TMEM45A: variants seen among roughly 807,000 people sequenced by gnomAD.
TMEM45A encodes the protein DNA polymerase-transactivated protein 4.
Under a neutral mutation model 32.0 loss-of-function variants are expected in TMEM45A, and 25 were observed. The ratio of observed to expected loss-of-function variants is 0.78; its 90% CI spans 0.57 to 1.09. The LOEUF (loss-of-function observed/expected upper bound fraction) is 1.09, where lower values mean the gene tolerates loss of function less well. Among genes scored for constraint, TMEM45A ranks in the 50% least tolerant of loss-of-function variants. The pLI, the probability that TMEM45A is intolerant of heterozygous loss-of-function variation, is 0.00. For missense variants in TMEM45A, 302 were observed against 325.0 expected, an observed-to-expected ratio of 0.93 and a Z score of 0.54; for synonymous variants, 122 against 114.8, an observed-to-expected ratio of 1.06 and a Z score of -0.40.
At chr3:100,566,235 T>C (rs552569855) in intron 4 of TMEM45A, among the ~76,000 whole-genome samples, 26 of 152,334 alleles carry the variant, frequency 1.7e-4, no homozygotes, top group African/African-American at 6.0e-4. Flanking sequence ...AACACTCATG[T>C]ACAAGTTTTG....
intron 1 of TMEM45A, among the ~76,000 whole-genome samples, chr3:100,545,686 A>G (rs1439569758): frequency 2.0e-5 from 3 of 152,194 alleles, no homozygotes; most frequent in Non-Finnish European, 4.4e-5. Flanking sequence ...GCACACGTAT[A>G]GCATTTTATT....
Position 100,555,404 on chromosome 3 carries a change from G to A in TMEM45A, c.190+3G>A, listed in dbSNP as rs1706198944. 2 of 1,611,850 alleles carry A rather than the reference G, an allele frequency of 1.2e-6. No individual in the cohort carries two copies. The highest frequency in any genetic ancestry group is 2.7e-5 in the African/African-American group (2 of 74,838). ...AATAGTTGGCATGGCTTTAACTGGTGAGTGGACCATTCTGTGTTCTATTTT... is the reference window on the plus strand; with the variant it reads ...AATAGTTGGCATGGCTTTAACTGGTAAGTGGACCATTCTGTGTTCTATTTT... On this transcript the variant is annotated splice_donor_region_variant and intron_variant, in intron 2 of 5. Transcript: ENST00000323523.
intron 1 of TMEM45A, among the ~76,000 whole-genome samples, chr3:100,522,441 C>A (rs1261017017): frequency 6.6e-6 from 1 of 152,202 alleles, no homozygotes; most frequent in Non-Finnish European, 1.5e-5. Flanking sequence ...GAAACATCCA[C>A]GCAAATAGAC....
chr3:100,535,600 A>G (rs1050689768), intron 1 of TMEM45A, among the ~76,000 whole-genome samples: 18 of 152,204 alleles, frequency 1.2e-4, no homozygotes, highest in Admixed American at 9.2e-4. Context: ...CAGCTCTTTC[A>G]AAAAGGGGAG....
At chr3:100,522,617 G>A (rs1022736045) in intron 1 of TMEM45A, among the ~76,000 whole-genome samples, 1 of 152,138 alleles carries the variant, frequency 6.6e-6, no homozygotes, top group Non-Finnish European at 1.5e-5. Context: ...ATTTATGTAG[G>A]TGGGAGGGCT....
Position 100,558,434 on chromosome 3 carries a change from CG to C in TMEM45A, c.436del (p.Glu146LysfsTer17), listed in dbSNP as rs748905671. 1 of 1,613,754 alleles carries C rather than the reference CG, an allele frequency of 6.2e-7. No homozygotes were observed. Among genetic ancestry groups the C allele is most frequent in the South Asian group, 1.1e-5 (1 of 91,062 alleles). ...TATCTTCTACAACCACACTCATGGCCGGGAAATGCTGGACATCTTTGTGCAC... is the reference window on the plus strand; with the variant it reads ...TATCTTCTACAACCACACTCATGGCCGGAAATGCTGGACATCTTTGTGCAC... ...AFIFYNHTHGREMLDIFVHQL... is the reference protein window; with the variant it reads ...AFIFYNHTHGXEMLDIFVHQL... On this transcript the variant is annotated frameshift_variant, in exon 4 of 6. Coordinates refer to ENST00000323523, the MANE Select transcript of TMEM45A (RefSeq NM_018004.3). LOFTEE classifies it high-confidence loss of function.
At chr3:100,568,580 A>G (rs1409576131) in intron 4 of TMEM45A, among the ~76,000 whole-genome samples, 1 of 152,236 alleles carries the variant, frequency 6.6e-6, no homozygotes, top group African/African-American at 2.4e-5. Flanking sequence ...TCCTAGCAAG[A>G]TGACTGTTTA....
intron 1 of TMEM45A, among the ~76,000 whole-genome samples, chr3:100,537,315 A>G (rs1314937833): frequency 6.6e-6 from 1 of 151,882 alleles, no homozygotes. Flanking sequence ...CAGGGAGCTG[A>G]GGGGTGGGGA....
chr3:100,569,043 A>C (rs1706502505), intron 5 of TMEM45A, 76 bp downstream of exon 5: 1 of 1,446,166 alleles, frequency 6.9e-7, no homozygotes, highest in Non-Finnish European at 9.5e-7. Flanking sequence ...TATTGAATTT[A>C]AAATTCAAAA....
In TMEM45A at chr3:100,523,689, C is replaced by T. The variant is rs1705481762; in HGVS notation, c.-4+30761C>T. ...CTTCCTCCTCCCCCTCCTTTCTCCT[C>T]CTTCTCCTTCTCCTCCTCCTCCTTT... On this transcript the variant is annotated intron_variant, in intron 1 of 5. Coordinates refer to ENST00000323523, the MANE Select transcript of TMEM45A (RefSeq NM_018004.3). Among the ~76,000 whole-genome samples, 5 of 70,044 alleles carry T rather than the reference C, an allele frequency of 7.1e-5. No homozygotes were observed. The South Asian group carries it at 2.6e-3, about 36-fold the overall frequency. The allele number at this position is 70,044 out of a possible 152,430, so 46.0% of individuals were successfully genotyped here.
intron 5 of TMEM45A, 96 bp from the exon 6 acceptor site, chr3:100,576,829 C>T: frequency 1.0e-6 from 1 of 979,980 alleles, no homozygotes; most frequent in Non-Finnish European, 1.6e-6. Context: ...CCCCAGTTGC[C>T]CAAATAATCT....
chr3:100,532,534 A>G (rs936248136), intron 1 of TMEM45A, among the ~76,000 whole-genome samples: 1 of 152,192 alleles, frequency 6.6e-6, no homozygotes. Context: ...TAAACAACCA[A>G]CTGCTTTGTC....
Position 100,492,755 on chromosome 3 carries a change from T to TCCCCCCCCCCCCCCCCCCCCCCC in TMEM45A, c.-175_-174insCCCCCCCCCCCCCCCCCCCCCCC, listed in dbSNP as rs755848570. The TCCCCCCCCCCCCCCCCCCCCCCC allele has an allele frequency of 2.1e-5, 3 of 143,524 alleles. No homozygotes were observed. Among genetic ancestry groups the TCCCCCCCCCCCCCCCCCCCCCCC allele is most frequent in the African/African-American group, 2.7e-5 (1 of 36,840 alleles). 8.9% of individuals were successfully genotyped at this position (143,524 alleles called of 1,614,324 possible). On this transcript the variant is annotated 5_prime_UTR_variant, in exon 1 of 6. Transcript: ENST00000323523. ...CGACTAGGGACCCAAGTTTAAAAAT[T>TCCCCCCCCCCCCCCCCCCCCCCC]CCTCCCCCCACCCAATGCGAGACGT...
chr3:100,524,925 C>G (rs963850516), intron 1 of TMEM45A, among the ~76,000 whole-genome samples: 1 of 152,110 alleles, frequency 6.6e-6, no homozygotes, highest in Non-Finnish European at 1.5e-5. Flanking sequence ...CATGGTGGCT[C>G]ACACCTGTAA....
intron 1 of TMEM45A, among the ~76,000 whole-genome samples, chr3:100,509,958 G>A (rs1183694872): frequency 7.2e-5 from 11 of 152,330 alleles, no homozygotes; most frequent in South Asian, 2.1e-4. Flanking sequence ...CGCATGGCTC[G>A]GAGGGTCCTA....
At chr3:100,505,111 A>G (rs1335775496) in intron 1 of TMEM45A, among the ~76,000 whole-genome samples, 1 of 152,096 alleles carries the variant, frequency 6.6e-6, no homozygotes, top group Non-Finnish European at 1.5e-5. Flanking sequence ...CCATTGCTGC[A>G]TTGGTTATTT....
chr3:100,507,153 C>T (rs1708089933), intron 1 of TMEM45A, among the ~76,000 whole-genome samples: 1 of 152,102 alleles, frequency 6.6e-6, no homozygotes, highest in African/African-American at 2.4e-5. Flanking sequence ...GGTTTCCAGG[C>T]CTATTTGTCC....
intron 1 of TMEM45A, among the ~76,000 whole-genome samples, chr3:100,552,837 AT>A (rs1348359000): frequency 6.6e-6 from 1 of 152,142 alleles, no homozygotes; most frequent in Non-Finnish European, 1.5e-5. Context: ...AGAAGAATGG[AT>A]ATATGGCCTC....
chr3:100,518,544 C>A (rs148418470), intron 1 of TMEM45A, among the ~76,000 whole-genome samples: 78 of 152,316 alleles, frequency 5.1e-4, no homozygotes, highest in Non-Finnish European at 1.0e-3. Flanking sequence ...CAAGACAATA[C>A]ATCTTCTTAT....
Sources: gnomAD v4.1 joint callset for allele counts (sites outside exome capture counted in the v4.1 genomes callset) on GRCh38, gnomAD v4.1.1 for gene constraint, MANE v1.5 for transcripts, NCBI Gene and HGNC (gene_info 2026-07-23, HGNC 2026-07-21) for gene names.